The following CFTR variants were observed in gnomAD, a reference collection of about 807,000 sequenced individuals.
CFTR encodes the protein cystic fibrosis transmembrane conductance regulator.
In CFTR, 181 loss-of-function variants were observed where a neutral mutation model predicts 171.6. The ratio of observed to expected loss-of-function variants is 1.05; its 90% confidence interval spans 0.93 to 1.19. CFTR has a LOEUF of 1.19. Among genes scored for constraint, CFTR ranks in the 50% most tolerant of loss-of-function variants. The pLI is 0.00. For missense variants in CFTR, 1,968 were observed against 1,734.7 expected, an observed-to-expected ratio of 1.13 and a Z score of -2.39; for synonymous variants, 583 against 608.0, an observed-to-expected ratio of 0.96 and a Z score of 0.60.
intron 10 of CFTR, among the ~76,000 whole-genome samples, chr7:117,558,582 T>A (rs1562898054): frequency 6.6e-6 from 1 of 151,442 alleles, no homozygotes; most frequent in Non-Finnish European, 1.5e-5. Context: ...AATAAATAAA[T>A]AAATAAAATC....
intron 3 of CFTR, among the ~76,000 whole-genome samples, chr7:117,514,103 T>C (rs1300592721): frequency 1.3e-5 from 2 of 152,232 alleles, no homozygotes; most frequent in Non-Finnish European, 2.9e-5. Context: ...ACTTAATGAT[T>C]TGACTTTTGC....
chr7:117,619,958 C>A (rs1302905074), intron 21 of CFTR, among the ~76,000 whole-genome samples: 2 of 143,964 alleles, frequency 1.4e-5, no homozygotes, highest in Admixed American at 6.9e-5. Context: ...CAACAAGAAG[C>A]CTGATGTGTG....
chr7:117,616,813 A>G (rs1228688332), intron 21 of CFTR, among the ~76,000 whole-genome samples: 2 of 152,134 alleles, frequency 1.3e-5, no homozygotes, highest in African/African-American at 4.8e-5. Context: ...TTGAATATCA[A>G]AGCTAATATG....
intron 11 of CFTR, among the ~76,000 whole-genome samples, chr7:117,571,985 C>CG (rs1791697291): frequency 8.1e-6 from 1 of 123,610 alleles, no homozygotes; most frequent in Non-Finnish European, 1.8e-5. Context: ...GAAGGAAAAA[C>CG]CTTTTTTTAT....
In CFTR at chr7:117,611,723, A is replaced by C; in HGVS notation, c.3282A>C (p.Ser1094=). Residue 1094 remains serine (S), a synonymous_variant, in exon 20 of 27, where the codon TCA becomes TCC. Transcript: ENST00000003084. The part of the protein sequence containing the change: ...LHTANWFLYL[S]TLRWFQMRIE... ...CTGCCAACTGGTTCTTGTACCTGTC[A>C]ACACTGCGCTGGTTCCAAATGAGAA... 6.2e-7 allele frequency: 1 copy of C among 1,613,624 alleles called. No homozygotes were observed. The highest frequency in any genetic ancestry group is 8.5e-7 in the Non-Finnish European group (1 of 1,179,750).
intron 21 of CFTR, among the ~76,000 whole-genome samples, chr7:117,617,704 T>C (rs1329360190): frequency 6.6e-6 from 1 of 152,124 alleles, no homozygotes; most frequent in African/African-American, 2.4e-5. Flanking sequence ...TGCTCCTATA[T>C]TCAGGAGCAA....
intron 22 of CFTR, among the ~76,000 whole-genome samples, chr7:117,641,927 C>T (rs1792921411): frequency 6.6e-6 from 1 of 152,216 alleles, no homozygotes; most frequent in African/African-American, 2.4e-5. Context: ...TGGGAATATA[C>T]TGCTGCCTGA....
In CFTR at chr7:117,667,088, G is replaced by A. The variant is rs369464175; in HGVS notation, c.4423G>A (p.Val1475Met). The A allele has an allele frequency of 3.1e-6, 5 of 1,613,956 alleles. No homozygotes were observed. The highest frequency in any genetic ancestry group is 2.7e-5 in the African/African-American group (2 of 75,028). ...TCTGAAAGAGGAGACAGAAGAAGAG[G>A]TGCAAGATACAAGGCTTTAGAGAGC... Reference protein sequence around the residue: ...AALKEETEEEVQDTRL With the variant: ...AALKEETEEEMQDTRL Residue 1475 changes from valine (V) to methionine (M), a missense_variant, in exon 27 of 27, where the codon GTG becomes ATG. Val to Met is a conservative substitution (Grantham distance 21, BLOSUM62 1). Coordinates refer to ENST00000003084, the MANE Select transcript of CFTR (RefSeq NM_000492.4).
chr7:117,544,721 C>T (rs10272001), intron 9 of CFTR, among the ~76,000 whole-genome samples: 2,026 of 152,286 alleles, frequency 0.013, 39 homozygotes, highest in African/African-American at 0.045. Context: ...TCCTGACTTT[C>T]GCTCACGCAA....
intron 11 of CFTR, among the ~76,000 whole-genome samples, chr7:117,578,219 G>T (rs1405077594): frequency 1.3e-5 from 2 of 151,514 alleles, no homozygotes; most frequent in African/African-American, 4.9e-5. Flanking sequence ...CACCCCTAAG[G>T]CAACAAGGCC....
At chr7:117,573,718 G>A (rs865972474) in intron 11 of CFTR, among the ~76,000 whole-genome samples, 1 of 152,010 alleles carries the variant, frequency 6.6e-6, no homozygotes, top group Non-Finnish European at 1.5e-5. Context: ...AGTGGAGGAT[G>A]GTTTGAAAGA....
intron 1 of CFTR, among the ~76,000 whole-genome samples, chr7:117,487,148 T>A (rs1798088249): frequency 1.3e-5 from 2 of 152,232 alleles, no homozygotes; most frequent in East Asian, 3.9e-4. Flanking sequence ...GGAAATGATG[T>A]ATATGGCTCA....
At chr7:117,609,507 C>T (rs1463705634) in intron 18 of CFTR, among the ~76,000 whole-genome samples, 1 of 152,032 alleles carries the variant, frequency 6.6e-6, no homozygotes, top group Non-Finnish European at 1.5e-5. Flanking sequence ...TTGTGAAGTA[C>T]ATGTTAGCGG....
intron 22 of CFTR, among the ~76,000 whole-genome samples, chr7:117,630,327 G>A (rs568461699): frequency 3.9e-5 from 6 of 152,224 alleles, no homozygotes; most frequent in East Asian, 1.9e-4. Flanking sequence ...ATCAGTTGGC[G>A]GAGAGTTAGG....
chr7:117,625,500 G>C (rs1792637843), intron 21 of CFTR, among the ~76,000 whole-genome samples: 1 of 152,110 alleles, frequency 6.6e-6, no homozygotes, highest in Admixed American at 6.6e-5. Context: ...GTGTAATTTT[G>C]AGTCATTTAG....
At chr7:117,481,144 T>C (rs980304729) in intron 1 of CFTR, among the ~76,000 whole-genome samples, 1 of 152,228 alleles carries the variant, frequency 6.6e-6, no homozygotes, top group East Asian at 1.9e-4. Context: ...TATGTTTAGT[T>C]CTCTGCATGT....
At chr7:117,511,052 A>AATT (rs1280554904) in intron 3 of CFTR, among the ~76,000 whole-genome samples, 32 of 152,034 alleles carry the variant, frequency 2.1e-4, no homozygotes, top group Non-Finnish European at 4.4e-5. Flanking sequence ...ATTAATATAT[A>AATT]ATTATAATTA....
chr7:117,480,206 G>C (rs1797980429), intron 1 of CFTR, 59 bp downstream of exon 1: 3 of 1,516,298 alleles, frequency 2.0e-6, no homozygotes, highest in African/African-American at 2.7e-5. Context: ...AGGAGGGCGT[G>C]TGTATGGGTT....
At chr7:117,572,640 C>T (rs1425698227) in intron 11 of CFTR, among the ~76,000 whole-genome samples, 1 of 152,098 alleles carries the variant, frequency 6.6e-6, no homozygotes, top group Non-Finnish European at 1.5e-5. Flanking sequence ...CTCACACACT[C>T]TACTCTTCCC....
Sources: gnomAD v4.1 joint callset for allele counts (sites outside exome capture counted in the v4.1 genomes callset) on GRCh38, gnomAD v4.1.1 for gene constraint, MANE v1.5 for transcripts, NCBI Gene and HGNC (gene_info 2026-07-23, HGNC 2026-07-21) for gene names.